MFAP1: variants seen among roughly 807,000 people sequenced by gnomAD.
MFAP1 encodes microfibril associated protein 1, also known as microfibrillar-associated protein 1.
Under a neutral mutation model 62.2 loss-of-function variants are expected in MFAP1, and 18 were observed. The ratio of observed to expected loss-of-function variants is 0.29; its 90% CI spans 0.20 to 0.43. The LOEUF is 0.43. Ranked by LOEUF, MFAP1 falls within the 20% of genes least tolerant of loss-of-function variation. MFAP1 has a pLI of 1.00. For synonymous variants in MFAP1, 175 were observed against 180.4 expected (o/e 0.97, Z 0.24); for missense variants, 355 against 559.7 (o/e 0.63, Z 3.69).
At chr15:43,819,053 A>G (rs965776210) in intron 1 of MFAP1, among the ~76,000 whole-genome samples, 2 of 152,170 alleles carry the variant, frequency 1.3e-5, no homozygotes, top group African/African-American at 4.8e-5. Flanking sequence ...TTAGCCAGAC[A>G]TGGTGGCACA....
chr15:43,812,373 G>C (rs1286199040), intron 6 of MFAP1, among the ~76,000 whole-genome samples: 1 of 152,092 alleles, frequency 6.6e-6, no homozygotes, highest in African/African-American at 2.4e-5. Flanking sequence ...GCTTTGACCA[G>C]TATGTGGCAA....
chr15:43,813,524 T>C (rs1327162711), intron 4 of MFAP1, among the ~76,000 whole-genome samples, 167 bp from the exon 5 acceptor site: 1 of 149,902 alleles, frequency 6.7e-6, no homozygotes. Context: ...TTTTTTTTTT[T>C]TTTTTGAGAC....
At chr15:43,814,724 G>T in intron 3 of MFAP1, 36 bp from the exon 4 acceptor site, 1 of 1,595,086 alleles carries the variant, frequency 6.3e-7, no homozygotes, top group Admixed American at 1.8e-5. Flanking sequence ...TCAGTCAAAT[G>T]GCCTATGGCT....
intron 6 of MFAP1, among the ~76,000 whole-genome samples, chr15:43,812,772 C>T (rs1211658348): frequency 1.3e-5 from 2 of 152,222 alleles, no homozygotes; most frequent in Admixed American, 6.5e-5. Flanking sequence ...CTGGCTGGCA[C>T]TCTATTATGG....
chr15:43,821,012 C>G (rs2087463786), intron 1 of MFAP1, among the ~76,000 whole-genome samples: 1 of 152,136 alleles, frequency 6.6e-6, no homozygotes, highest in Non-Finnish European at 1.5e-5. Flanking sequence ...CTAAAGTGAG[C>G]CTCCCTCTTC....
At chr15:43,824,139 CATA>C (rs2087484177) in intron 1 of MFAP1, among the ~76,000 whole-genome samples, 1 of 150,936 alleles carries the variant, frequency 6.6e-6, no homozygotes, top group African/African-American at 2.4e-5. Flanking sequence ...ATATTCTAAT[CATA>C]ATATATATTA....
At chr15:43,807,449 C>T (rs1015417965) in intron 7 of MFAP1, among the ~76,000 whole-genome samples, 23 of 151,108 alleles carry the variant, frequency 1.5e-4, no homozygotes, top group African/African-American at 4.9e-4. Context: ...CCCAGGTTCA[C>T]GCCATTCTCC....
At chr15:43,822,758 C>T (rs910955472) in intron 1 of MFAP1, among the ~76,000 whole-genome samples, 6 of 152,144 alleles carry the variant, frequency 3.9e-5, no homozygotes, top group East Asian at 1.9e-4. Flanking sequence ...TTTGAACTTT[C>T]GAGCATAAGT....
In MFAP1 at chr15:43,809,787, G is replaced by C; in HGVS notation, c.1015C>G (p.Gln339Glu). 6.2e-7 allele frequency: 1 copy of C among 1,614,078 alleles called. No homozygotes were observed. Among genetic ancestry groups the C allele is most frequent in the Non-Finnish European group, 8.5e-7 (1 of 1,179,980 alleles). ...AAGGCACCCCGGTGATAATACTTCT[G>C]TAAGAACTTGTATTTGCCCTTAACA... ...KAVKGKYKFL[Q>E]KYYHRGAFFM... Residue 339 changes from glutamine (Q) to glutamate (E), a missense_variant, in exon 7 of 9, where the codon CAG becomes GAG. Physicochemically the swap from Gln to Glu is conservative, Grantham distance 29. Around this residue, in one of 6 missense-constraint regions of MFAP1, gnomAD observed 24 missense variants for 57.0 expected, o/e 0.42. Transcript: ENST00000267812.
intron 1 of MFAP1, among the ~76,000 whole-genome samples, chr15:43,819,484 G>A (rs1401874079): frequency 6.6e-6 from 1 of 151,930 alleles, no homozygotes; most frequent in East Asian, 1.9e-4. Context: ...AATAGATACA[G>A]CAGACTTTAT....
intron 1 of MFAP1, among the ~76,000 whole-genome samples, chr15:43,820,577 A>T (rs2087461464): frequency 6.6e-6 from 1 of 152,196 alleles, no homozygotes; most frequent in Non-Finnish European, 1.5e-5. Flanking sequence ...CCTGTACATT[A>T]GCTACATATA....
At chr15:43,816,253 T>C (rs986304991) in intron 2 of MFAP1, among the ~76,000 whole-genome samples, 4 of 149,786 alleles carry the variant, frequency 2.7e-5, no homozygotes, top group Non-Finnish European at 4.5e-5. Context: ...TTCTTTTCTT[T>C]TTTTTTTTTT....
chr15:43,805,783 T>A (rs927982277), intron 7 of MFAP1, among the ~76,000 whole-genome samples: 6 of 151,772 alleles, frequency 4.0e-5, no homozygotes, highest in African/African-American at 1.5e-4. Flanking sequence ...CGGCTAATTT[T>A]TTGTATTTTT....
At chr15:43,808,307 G>A (rs1006388410) in intron 7 of MFAP1, among the ~76,000 whole-genome samples, 9 of 152,208 alleles carry the variant, frequency 5.9e-5, no homozygotes, top group Non-Finnish European at 1.3e-4. Flanking sequence ...TCGGGCTGAA[G>A]CAATCCTTCC....
chr15:43,814,610 C>G lies in MFAP1; in HGVS notation c.508G>C (p.Glu170Gln), dbSNP rs1488725963. 3.1e-6 allele frequency: 5 copies of G among 1,614,190 alleles called. No individual in the cohort carries two copies. The highest frequency in any genetic ancestry group is 4.2e-6 in the Non-Finnish European group (5 of 1,180,032). ...KNEEMEVMEV[E>Q]DEGRSGEESE... ...TCCTCTCCAGAACGACCCTCATCTT[C>G]CACTTCCATGACTTCCATCTCTTCA... Residue 170 changes from glutamate (E) to glutamine (Q), a missense_variant, in exon 4 of 9, where the codon GAA becomes CAA. Glu to Gln is a conservative substitution (Grantham distance 29). Around this residue, in one of 6 missense-constraint regions of MFAP1, gnomAD observed 257 missense variants for 341.3 expected, o/e 0.75. Transcript: ENST00000267812.
At chr15:43,819,822 T>G (rs1430195223) in intron 1 of MFAP1, among the ~76,000 whole-genome samples, 1 of 152,228 alleles carries the variant, frequency 6.6e-6, no homozygotes, top group African/African-American at 2.4e-5. Flanking sequence ...TGTGAGCCAC[T>G]GTGACTGGCC....
At chr15:43,817,120 A>G in intron 2 of MFAP1, 109 bp downstream of exon 2, 1 of 1,112,410 alleles carries the variant, frequency 9.0e-7, no homozygotes, top group East Asian at 2.4e-5. Flanking sequence ...ATGGATTACA[A>G]GAATTAGCAA....
intron 2 of MFAP1, among the ~76,000 whole-genome samples, chr15:43,815,456 G>T (rs143961688): frequency 6.6e-6 from 1 of 152,118 alleles, no homozygotes; most frequent in South Asian, 2.1e-4. Context: ...GGGATTATAG[G>T]TGTGAGCCAC....
At chr15:43,821,746 C>T (rs2087468192) in intron 1 of MFAP1, among the ~76,000 whole-genome samples, 1 of 152,104 alleles carries the variant, frequency 6.6e-6, no homozygotes, top group South Asian at 2.1e-4. Context: ...TGTAAGCTAA[C>T]TTATAATCTG....
Sources: allele counts gnomAD v4.1 joint callset (sites outside exome capture counted in the v4.1 genomes callset), GRCh38; gene constraint gnomAD v4.1.1; regional missense constraint gnomAD v4.1.1; transcripts MANE v1.5; gene names NCBI Gene and HGNC (gene_info 2026-07-23, HGNC 2026-07-21).